Variants in NR5A2 observed in about 807,000 individuals in gnomAD.
NR5A2 encodes the protein nuclear receptor subfamily 5 group A member 2.
Under a neutral mutation model 62.7 loss-of-function variants are expected in NR5A2, and 26 were observed. The observed-to-expected ratio is 0.41, with a 90% CI of 0.30 to 0.58. The LOEUF (loss-of-function observed/expected upper bound fraction) is 0.58. Among genes scored for constraint, NR5A2 ranks in the 20% least tolerant of loss-of-function variants. The pLI is 0.22. For synonymous variants in NR5A2, 246 were observed against 241.7 expected, an observed-to-expected ratio of 1.02 and a Z score of -0.16; for missense variants, 541 against 669.1, an observed-to-expected ratio of 0.81 and a Z score of 2.11.
chr1:200,049,028 G>A (rs1047753218), intron 5 of NR5A2, among the ~76,000 whole-genome samples: 3 of 152,000 alleles, frequency 2.0e-5, no homozygotes, highest in Non-Finnish European at 2.9e-5. Flanking sequence ...TCTTAGTTTG[G>A]GGGGGCTGGC....
intron 7 of NR5A2, among the ~76,000 whole-genome samples, chr1:200,145,007 G>A (rs956564242): frequency 1.3e-5 from 2 of 152,116 alleles, no homozygotes; most frequent in African/African-American, 2.4e-5. Context: ...GTTGAGGGAG[G>A]TGGCTTAAAA....
chr1:200,048,832 TATTACA>T lies in NR5A2; in HGVS notation c.1110+16_1110+21del. The T allele has an allele frequency of 1.2e-6, 2 of 1,611,342 alleles. No homozygotes were observed. The highest frequency in any genetic ancestry group is 1.7e-6 in the Non-Finnish European group (2 of 1,177,616). ...AGAGAACTTAAGGTATGCCACCAGC[TATTACA>T]ACTTACAGCACCCCTTTTAAGAGAG... On this transcript the variant is annotated intron_variant, in intron 5 of 7. Coordinates refer to ENST00000367362, the MANE Select transcript of NR5A2 (RefSeq NM_205860.3). The surrounding 1 kb of genome is among the most constrained non-coding windows in gnomAD (Gnocchi z 4.8).
At chr1:200,089,091 A>T (rs868466598) in intron 5 of NR5A2, among the ~76,000 whole-genome samples, 9 of 152,158 alleles carry the variant, frequency 5.9e-5, no homozygotes, top group African/African-American at 1.4e-4. Context: ...TCCCACAAAC[A>T]CAATTATGCC....
intron 7 of NR5A2, among the ~76,000 whole-genome samples, chr1:200,165,363 C>T (rs893899749): frequency 1.5e-4 from 23 of 152,088 alleles, no homozygotes; most frequent in Non-Finnish European, 2.6e-4. Flanking sequence ...ACCCAAAGTC[C>T]GCTGTTCACA....
At chr1:200,029,181 A>T (rs541261289) in intron 1 of NR5A2, 1 of 377,120 alleles carries the variant, frequency 2.7e-6, no homozygotes, top group Non-Finnish European at 5.3e-6. Flanking sequence ...CCGGGGCCGC[A>T]GCTAGAGCGC....
At chr1:200,028,037 A>C in intron 1 of NR5A2, 126 bp downstream of exon 1, 1 of 602,026 alleles carries the variant, frequency 1.7e-6, no homozygotes, top group Non-Finnish European at 2.8e-6. Context: ...AAAGCACACA[A>C]TAAGCCTATG....
At chr1:200,169,690 G>A (rs1571588615) in intron 7 of NR5A2, among the ~76,000 whole-genome samples, 2 of 152,214 alleles carry the variant, frequency 1.3e-5, no homozygotes, top group African/African-American at 4.8e-5. Flanking sequence ...GATGATAACA[G>A]ATTGATACTA....
At chr1:200,070,679 C>CAAAAAA (rs34685659) in intron 5 of NR5A2, among the ~76,000 whole-genome samples, 1 of 133,620 alleles carries the variant, frequency 7.5e-6, no homozygotes. Flanking sequence ...GACTCTGTCT[C>CAAAAAA]AAAAAAAAAA....
At chr1:200,050,586 C>T (rs1662584206) in intron 5 of NR5A2, among the ~76,000 whole-genome samples, 1 of 152,184 alleles carries the variant, frequency 6.6e-6, no homozygotes, top group African/African-American at 2.4e-5. Context: ...AAGTGTGGTG[C>T]TGTTTTAAAT....
At chr1:200,059,700 AG>A (rs1663101872) in intron 5 of NR5A2, among the ~76,000 whole-genome samples, 1 of 152,230 alleles carries the variant, frequency 6.6e-6, no homozygotes, top group East Asian at 1.9e-4. Context: ...ACACTTTTGA[AG>A]GACTTTGCCC....
At chr1:200,146,820 AT>A (rs1295764049) in intron 7 of NR5A2, among the ~76,000 whole-genome samples, 1 of 152,212 alleles carries the variant, frequency 6.6e-6, no homozygotes, top group Non-Finnish European at 1.5e-5. Flanking sequence ...CAAAGGCTAA[AT>A]AAGTTTTTAC....
intron 5 of NR5A2, among the ~76,000 whole-genome samples, chr1:200,061,769 C>T (rs921651171): frequency 3.9e-5 from 6 of 152,168 alleles, no homozygotes; most frequent in Admixed American, 3.3e-4. Flanking sequence ...TTTGGGAGCA[C>T]AGATGTAACT....
rs1394777257 is a variant in NR5A2 at position 200,175,558 on chromosome 1, G to A, written c.*1348G>A. Reference sequence around the variant, plus strand: ...CCTTATTTCACAATTTTAAAAGGTAGCTGTGCAGATGTGGATCAACATTTG... The same window carrying A: ...CCTTATTTCACAATTTTAAAAGGTAACTGTGCAGATGTGGATCAACATTTG... On this transcript the variant is annotated 3_prime_UTR_variant, in exon 8 of 8. Transcript: ENST00000367362. 6.6e-6 allele frequency: 1 copy of A among 152,666 alleles called. No homozygotes were observed. Among genetic ancestry groups the A allele is most frequent in the East Asian group, 1.9e-4 (1 of 5,204 alleles). 9.5% of individuals were successfully genotyped at this position (152,666 alleles called of 1,614,324 possible).
chr1:200,153,331 A>G (rs1253835930), intron 7 of NR5A2, among the ~76,000 whole-genome samples: 1 of 152,250 alleles, frequency 6.6e-6, no homozygotes, highest in East Asian at 1.9e-4. Flanking sequence ...AGTTAAAAAG[A>G]AATCCTTCCA....
chr1:200,152,786 A>G lies in NR5A2; in HGVS notation c.1379-21177A>G, dbSNP rs182555224. On this transcript the variant is annotated intron_variant, in intron 7 of 7. Coordinates refer to ENST00000367362, the MANE Select transcript of NR5A2 (RefSeq NM_205860.3). Reference sequence around the variant, plus strand: ...ATTTTGCATTTGCCTTTGACATTCTAACAACAGAATGAACTGCCATTCAGC... The same window carrying G: ...ATTTTGCATTTGCCTTTGACATTCTGACAACAGAATGAACTGCCATTCAGC... 3.7e-3 allele frequency among the ~76,000 whole-genome samples: 561 copies of G among 152,256 alleles called. 2 individuals carry two copies. The highest frequency in any genetic ancestry group is 0.013 in the African/African-American group (532 of 41,530).
chr1:200,114,107 C>T (rs939589961), intron 6 of NR5A2, among the ~76,000 whole-genome samples: 1 of 151,880 alleles, frequency 6.6e-6, no homozygotes, highest in Non-Finnish European at 1.5e-5. Context: ...CGCTTGAACC[C>T]GGGAGGCAGA....
chr1:200,046,008 G>T (rs1467604083), intron 4 of NR5A2, among the ~76,000 whole-genome samples: 1 of 152,146 alleles, frequency 6.6e-6, no homozygotes, highest in Non-Finnish European at 1.5e-5. Context: ...TTTAAAAGAG[G>T]TGTGCTTGTC....
At chr1:200,100,533 C>A (rs1040933092) in intron 5 of NR5A2, among the ~76,000 whole-genome samples, 17 of 152,240 alleles carry the variant, frequency 1.1e-4, no homozygotes, top group African/African-American at 4.1e-4. Flanking sequence ...TATAATGGAG[C>A]CTAAAATATA....
rs1355862244 is a variant in NR5A2 at position 200,175,381 on chromosome 1, CA to C, written c.*1174del. On this transcript the variant is annotated 3_prime_UTR_variant, in exon 8 of 8. Transcript: ENST00000367362. ...ATATTAAAGTAATTCAAATCTTCCCCAAAGGGGAAAGGAAGAGAGTGATACT... is the reference window on the plus strand; with the variant it reads ...ATATTAAAGTAATTCAAATCTTCCCCAAGGGGAAAGGAAGAGAGTGATACT... The C allele has an allele frequency of 2.0e-4, 31 of 152,678 alleles. No homozygotes were observed. Among genetic ancestry groups the C allele is most frequent in the Non-Finnish European group, 2.9e-5 (2 of 68,032 alleles). The allele number at this position is 152,678 out of a possible 1,614,324, so 9.5% of individuals were successfully genotyped here. A position where few individuals can be genotyped will look rare whatever the true frequency, so the allele number is the denominator to read the frequency against.
Sources: gnomAD v4.1 joint callset for allele counts (sites outside exome capture counted in the v4.1 genomes callset) on GRCh38, gnomAD v4.1.1 for gene constraint, Gnocchi (gnomAD v3.1) non-coding constraint, MANE v1.5 for transcripts, NCBI Gene and HGNC (gene_info 2026-07-23, HGNC 2026-07-21) for gene names.